Variants in TNS3 observed in about 807,000 individuals in gnomAD.
The protein encoded by TNS3 is tensin 3, also known as tensin-3.
In TNS3, 45 loss-of-function variants were observed where a neutral mutation model predicts 140.9. The ratio of observed to expected loss-of-function variants is 0.32; its 90% CI spans 0.25 to 0.41. TNS3 has a LOEUF of 0.41. Among genes scored for constraint, TNS3 ranks in the 10% least tolerant of loss-of-function variants. The probability of loss-of-function intolerance (pLI) is 1.00; values close to 1 mark genes in which losing one functional copy is unlikely to be tolerated. For synonymous variants in TNS3, 815 were observed against 788.4 expected (o/e 1.03, Z -0.56); for missense variants, 1,716 against 1,906.7 (o/e 0.90, Z 1.86).
rs774384153 is a variant in TNS3, at chr7:47,396,876, A to G, written c.948T>C (p.Gly316=). The G allele has an allele frequency of 5.0e-6, 8 of 1,614,030 alleles. No homozygotes were observed. The African/African-American group carries it at 8.0e-5, about 16-fold the overall frequency. ...QGSEHLYNDH[G]VIVDYNTTDP... Reference sequence around the variant, plus strand: ...CTGTTGTGTTGTAGTCCACAATCACACCGTGGTCGTTGTACAAGTGTTCGG... The same window carrying G: ...CTGTTGTGTTGTAGTCCACAATCACGCCGTGGTCGTTGTACAAGTGTTCGG... Residue 316 remains glycine, a synonymous_variant, in exon 16 of 31, where the codon GGT becomes GGC. Transcript: ENST00000311160.
chr7:47,564,477 A>G (rs1800382782), intron 1 of TNS3, among the ~76,000 whole-genome samples: 1 of 151,712 alleles, frequency 6.6e-6, no homozygotes, highest in African/African-American at 2.4e-5. Context: ...CTCTACTAAA[A>G]ATACAAAAAT....
intron 1 of TNS3, among the ~76,000 whole-genome samples, chr7:47,572,858 C>CA (rs1288520753): frequency 0.018 from 2,245 of 122,398 alleles, 39 homozygotes; most frequent in African/African-American, 0.049. Context: ...GACTCCGTCT[C>CA]AAAAAAAAAA....
At position 47,368,742 on chromosome 7, in the gene TNS3, C is replaced by T. The variant is rs761056944; in HGVS notation, c.1904G>A (p.Arg635Gln). ...AQPRVPLTPTRGTSSRVAVQR... is the reference protein window; with the variant it reads ...AQPRVPLTPTQGTSSRVAVQR... The stretch of plus-strand genomic sequence containing the variant: ...GACAGCCACCCTACTGCTGGTCCCT[C>T]GGGTGGGGGTGAGTGGCACTCTGGG... The change falls in exon 17 of 31, where the codon CGA becomes CAA. Residue 635 changes from arginine (R) to glutamine (Q), a missense_variant. By Grantham distance (43) the Arg-to-Gln change is conservative (BLOSUM62 1). Around this residue, in one of 3 missense-constraint regions of TNS3, gnomAD observed 1,163 missense variants for 1,182.1 expected, o/e 0.98. Transcript: ENST00000311160. 8 of 1,580,334 alleles carry T rather than the reference C, an allele frequency of 5.1e-6. No individual in the cohort carries two copies. In the Admixed American group the frequency reaches 5.2e-5, roughly 10 times the overall value.
intron 1 of TNS3, among the ~76,000 whole-genome samples, chr7:47,535,403 TGA>T (rs1338488750): frequency 2.0e-5 from 3 of 152,234 alleles, no homozygotes; most frequent in Admixed American, 6.5e-5. Context: ...GCTGGATCTC[TGA>T]GGAGTTCATT....
intron 16 of TNS3, among the ~76,000 whole-genome samples, chr7:47,390,618 A>T (rs974505360): frequency 5.3e-5 from 8 of 152,146 alleles, no homozygotes; most frequent in Admixed American, 3.3e-4. Context: ...CGTCCTGCAC[A>T]CTCTTGGATT....
intron 20 of TNS3, 88 bp downstream of exon 20, chr7:47,344,667 G>A (rs994069794): frequency 4.3e-6 from 5 of 1,164,222 alleles, no homozygotes; most frequent in East Asian, 2.4e-5. Context: ...AAACATTTCT[G>A]CATACGAGTT....
intron 1 of TNS3, among the ~76,000 whole-genome samples, chr7:47,530,838 A>AAAAAAATATATATAT: frequency 1.8e-5 from 1 of 54,566 alleles, no homozygotes; most frequent in Admixed American, 2.3e-4. Flanking sequence ...AAAAAAAAAA[A>AAAAAAATATATATAT]ATATATATAT....
intron 2 of TNS3, among the ~76,000 whole-genome samples, chr7:47,507,271 C>T (rs114641055): frequency 1.3e-3 from 191 of 152,236 alleles, no homozygotes; most frequent in African/African-American, 4.5e-3. Context: ...GGGGTATGTA[C>T]GTCCAGCCGA....
At chr7:47,470,074 T>C (rs567473160) in intron 4 of TNS3, among the ~76,000 whole-genome samples, 2 of 150,846 alleles carry the variant, frequency 1.3e-5, no homozygotes, top group South Asian at 2.1e-4. Flanking sequence ...GCAACATAGA[T>C]GGATGTGGAT....
At chr7:47,300,901 C>T (rs977982390) in intron 23 of TNS3, among the ~76,000 whole-genome samples, 1 of 152,240 alleles carries the variant, frequency 6.6e-6, no homozygotes, top group African/African-American at 2.4e-5. Flanking sequence ...AAATGAAGGT[C>T]TTTCCAGGCC....
In TNS3 at chr7:47,552,589, T is replaced by C. The variant is rs533937757; in HGVS notation, c.-264-23442A>G. ...TATTTGTGATCTGTGCTCTTTGATG[T>C]TACTATTGTAATTGTTTTGGGGTGC... On this transcript the variant is annotated intron_variant, in intron 1 of 30. Coordinates refer to ENST00000311160, the MANE Select transcript of TNS3 (RefSeq NM_022748.12). Among the ~76,000 whole-genome samples, 10 of 152,316 alleles carry C rather than the reference T, an allele frequency of 6.6e-5. No homozygotes were observed. The South Asian group carries it at 1.7e-3, about 25-fold the overall frequency.
intron 2 of TNS3, among the ~76,000 whole-genome samples, chr7:47,523,847 G>C (rs1445883794): frequency 6.6e-6 from 1 of 152,190 alleles, no homozygotes; most frequent in East Asian, 1.9e-4. Context: ...AAGGACCCAG[G>C]GACCATGGGG....
At chr7:47,469,271 CA>C (rs1166131471) in intron 4 of TNS3, among the ~76,000 whole-genome samples, 1 of 152,138 alleles carries the variant, frequency 6.6e-6, no homozygotes, top group Non-Finnish European at 1.5e-5. Flanking sequence ...TTCTGCTTAA[CA>C]AAAGAAACTA....
At chr7:47,335,975 G>C (rs1205930659) in intron 20 of TNS3, among the ~76,000 whole-genome samples, 3 of 152,154 alleles carry the variant, frequency 2.0e-5, no homozygotes, top group Non-Finnish European at 4.4e-5. Flanking sequence ...TGTCCTTTTA[G>C]GCCTCCCTAT....
intron 20 of TNS3, among the ~76,000 whole-genome samples, chr7:47,312,271 T>C (rs1172171721): frequency 6.6e-6 from 1 of 152,256 alleles, no homozygotes; most frequent in East Asian, 1.9e-4. Flanking sequence ...GAATTTATTA[T>C]TTCTTTCTAT....
intron 17 of TNS3, among the ~76,000 whole-genome samples, chr7:47,362,327 A>G (rs1051136144): frequency 3.3e-5 from 5 of 152,004 alleles, no homozygotes; most frequent in Non-Finnish European, 5.9e-5. Context: ...GTGATACCCC[A>G]CCTCTGGAGG....
At chr7:47,361,206 C>CAAAAAAAAAAAAAAAAAAAAAAAACAAA (rs56823708) in intron 17 of TNS3, among the ~76,000 whole-genome samples, 1 of 47,154 alleles carries the variant, frequency 2.1e-5, no homozygotes, top group African/African-American at 5.9e-5. Context: ...GTAACCATGC[C>CAAAAAAAAAAAAAAAAAAAAAAAACAAA]AAAAAAAAAA....
chr7:47,411,933 A>C, intron 12 of TNS3, 131 bp from the exon 13 acceptor site: 1 of 810,528 alleles, frequency 1.2e-6, no homozygotes. Flanking sequence ...CCCAGAATCT[A>C]ATTCCTGAGA....
At chr7:47,453,806 G>A (rs1294172102) in intron 4 of TNS3, among the ~76,000 whole-genome samples, 1 of 152,126 alleles carries the variant, frequency 6.6e-6, no homozygotes, top group Admixed American at 6.5e-5. Context: ...TGCCCGAGGC[G>A]GGTTTATTTC....
Sources: gnomAD v4.1 joint callset for allele counts (sites outside exome capture counted in the v4.1 genomes callset) on GRCh38, gnomAD v4.1.1 for gene constraint, gnomAD v4.1.1 regional missense constraint, MANE v1.5 for transcripts, NCBI Gene and HGNC (gene_info 2026-07-23, HGNC 2026-07-21) for gene names.